Variants in ZNF385D observed in about 807,000 individuals in gnomAD.
ZNF385D encodes the protein zinc finger protein 659.
Under a neutral mutation model 35.8 loss-of-function variants are expected in ZNF385D, and 15 were observed. That is an observed-to-expected ratio of 0.42 (90% CI 0.28 to 0.64). The LOEUF (loss-of-function observed/expected upper bound fraction) is 0.64, where lower values mean the gene tolerates loss of function less well. ZNF385D is among the 30% of genes least tolerant of loss of function. The pLI, the probability that ZNF385D is intolerant of heterozygous loss-of-function variation, is 0.23. For missense variants in ZNF385D, 474 were observed against 494.6 expected (o/e 0.96, Z 0.39); for synonymous variants, 212 against 186.8 (o/e 1.13, Z -1.10).
At chr3:22,349,187 C>A (rs996458119) in intron 2 of ZNF385D, among the ~76,000 whole-genome samples, 1 of 152,110 alleles carries the variant, frequency 6.6e-6, no homozygotes, top group Non-Finnish European at 1.5e-5. Flanking sequence ...ACCTGGCACT[C>A]ACTAAATGCT....
intron 3 of ZNF385D, among the ~76,000 whole-genome samples, chr3:21,845,913 A>G (rs1230488479): frequency 6.6e-6 from 1 of 152,056 alleles, no homozygotes; most frequent in Non-Finnish European, 1.5e-5. Flanking sequence ...CAGAGCAAAA[A>G]TAAATTAATC....
intron 3 of ZNF385D, among the ~76,000 whole-genome samples, chr3:21,820,591 T>A (rs1190534656): frequency 6.6e-6 from 1 of 151,236 alleles, no homozygotes; most frequent in Non-Finnish European, 1.5e-5. Context: ...ATCAAAATGT[T>A]CCAAACTAGG....
At chr3:21,711,748 C>T (rs1469852778) in intron 1 of ZNF385D, among the ~76,000 whole-genome samples, 2 of 152,184 alleles carry the variant, frequency 1.3e-5, no homozygotes, top group African/African-American at 4.8e-5. Flanking sequence ...TAAACAGCAA[C>T]ATCTAATGCT....
chr3:21,449,278 CA>C lies in ZNF385D; in HGVS notation c.440-12076del, dbSNP rs543791289. Among the ~76,000 whole-genome samples, 410 of 141,984 alleles carry C rather than the reference CA, an allele frequency of 2.9e-3. 2 individuals carry two copies. The highest frequency in any genetic ancestry group is 0.023 in the East Asian group (109 of 4,818). 93.1% of individuals were successfully genotyped at this position (141,984 alleles called of 152,430 possible). ...AAAATGCTCAGTATTTTTATAGCTACAAAAAAAAAAAAATAGAAATCTAGTC... is the reference window on the plus strand; with the variant it reads ...AAAATGCTCAGTATTTTTATAGCTACAAAAAAAAAAAATAGAAATCTAGTC... On this transcript the variant is annotated intron_variant, in intron 4 of 7. Coordinates refer to ENST00000281523, the MANE Select transcript of ZNF385D (RefSeq NM_024697.3).
intron 3 of ZNF385D, among the ~76,000 whole-genome samples, chr3:21,795,462 G>C (rs1332142599): frequency 2.0e-5 from 3 of 152,352 alleles, no homozygotes; most frequent in African/African-American, 7.2e-5. Context: ...GTGTGCAAAA[G>C]AAAAGCTGGG....
At chr3:22,076,951 G>A (rs550467539) in intron 3 of ZNF385D, among the ~76,000 whole-genome samples, 305 of 151,890 alleles carry the variant, frequency 2.0e-3, no homozygotes, top group Non-Finnish European at 3.7e-3. Context: ...TGAGTAACAC[G>A]TTTTTAATCA....
At chr3:21,664,334 A>G (rs1174215222) in intron 2 of ZNF385D, among the ~76,000 whole-genome samples, 1 of 152,144 alleles carries the variant, frequency 6.6e-6, no homozygotes, top group African/African-American at 2.4e-5. Context: ...ACAAAGAAAT[A>G]TGAGAGTTAA....
At chr3:21,816,905 G>A (rs1270230907) in intron 3 of ZNF385D, among the ~76,000 whole-genome samples, 2 of 152,144 alleles carry the variant, frequency 1.3e-5, no homozygotes, top group South Asian at 2.1e-4. Context: ...AACAAAGCTG[G>A]AGGCATCACA....
chr3:21,676,314 G>T (rs190784669), intron 1 of ZNF385D, among the ~76,000 whole-genome samples: 19 of 152,192 alleles, frequency 1.2e-4, no homozygotes, highest in African/African-American at 4.6e-4. Flanking sequence ...ATTCCCTGCG[G>T]AGCTGACTTG....
intron 3 of ZNF385D, among the ~76,000 whole-genome samples, chr3:21,972,473 TA>T (rs1347750388): frequency 6.6e-6 from 1 of 151,746 alleles, no homozygotes; most frequent in African/African-American, 2.4e-5. Flanking sequence ...AGTGCCTATA[TA>T]AAAAAAGTGT....
chr3:22,321,341 T>C (rs1183144226), intron 2 of ZNF385D, among the ~76,000 whole-genome samples: 2 of 152,088 alleles, frequency 1.3e-5, no homozygotes, highest in South Asian at 2.1e-4. Flanking sequence ...ATTCAGTCTA[T>C]ATATATGTGT....
At chr3:21,429,370 A>G (rs1300373843) in intron 5 of ZNF385D, among the ~76,000 whole-genome samples, 2 of 152,110 alleles carry the variant, frequency 1.3e-5, no homozygotes, top group Non-Finnish European at 2.9e-5. Context: ...GTGAAATTAT[A>G]TATATGCTTT....
chr3:22,243,096 A>C (rs372836721), intron 2 of ZNF385D, among the ~76,000 whole-genome samples: 1 of 151,126 alleles, frequency 6.6e-6, no homozygotes, highest in South Asian at 2.2e-4. Context: ...GGAAAACTAC[A>C]GAATGGGAGA....
intron 3 of ZNF385D, among the ~76,000 whole-genome samples, chr3:21,535,516 G>C (rs1451885651): frequency 6.6e-6 from 1 of 152,062 alleles, no homozygotes; most frequent in African/African-American, 2.4e-5. Flanking sequence ...CTCCTGTTTT[G>C]TTAGGCATAG....
intron 2 of ZNF385D, among the ~76,000 whole-genome samples, chr3:22,256,584 A>G (rs1700330434): frequency 6.6e-6 from 1 of 151,890 alleles, no homozygotes; most frequent in South Asian, 2.1e-4. Flanking sequence ...TCTGTCTACA[A>G]GTGAGATAGT....
intron 3 of ZNF385D, among the ~76,000 whole-genome samples, chr3:22,120,480 C>G (rs1576353283): frequency 1.3e-5 from 2 of 152,066 alleles, no homozygotes; most frequent in Non-Finnish European, 2.9e-5. Context: ...CAAATAGTGT[C>G]ACACTGGGGA....
intron 3 of ZNF385D, among the ~76,000 whole-genome samples, chr3:21,871,961 C>A (rs1458686157): frequency 2.0e-5 from 3 of 151,948 alleles, no homozygotes; most frequent in Non-Finnish European, 4.4e-5. Context: ...TGCACCACTG[C>A]ACTCCAGCCT....
At chr3:21,836,503 A>C (rs1695339628) in intron 3 of ZNF385D, among the ~76,000 whole-genome samples, 1 of 152,078 alleles carries the variant, frequency 6.6e-6, no homozygotes, top group Non-Finnish European at 1.5e-5. Flanking sequence ...CACATTACAG[A>C]GACCTAAAAG....
intron 2 of ZNF385D, among the ~76,000 whole-genome samples, chr3:22,324,341 G>T (rs546289378): frequency 6.6e-6 from 1 of 151,990 alleles, no homozygotes; most frequent in Non-Finnish European, 1.5e-5. Context: ...CAATATTTAG[G>T]AAACAAAATC....
Sources: allele counts gnomAD v4.1 joint callset (sites outside exome capture counted in the v4.1 genomes callset), GRCh38; gene constraint gnomAD v4.1.1; transcripts MANE v1.5; gene names NCBI Gene and HGNC (gene_info 2026-07-23, HGNC 2026-07-21).